The following MCPH1 variants were observed in gnomAD, a reference collection of about 807,000 sequenced individuals.
MCPH1 encodes microcephalin 1.
Under a neutral mutation model 84.5 loss-of-function variants are expected in MCPH1, and 104 were observed. The ratio of observed to expected loss-of-function variants is 1.23; its 90% CI spans 1.05 to 1.45. MCPH1 has a LOEUF of 1.45. Ranked by LOEUF, MCPH1 falls within the 40% of genes most tolerant of loss-of-function variation. MCPH1 has a pLI of 0.00. For synonymous variants in MCPH1, 514 were observed against 366.8 expected (o/e 1.40, Z -4.58); for missense variants, 1,498 against 1,005.7 (o/e 1.49, Z -6.62).
chr8:6,588,433 G>A lies in MCPH1; in HGVS notation c.2215-33021G>A, dbSNP rs116341322. 7.8e-3 allele frequency among the ~76,000 whole-genome samples: 1,186 copies of A among 152,094 alleles called. 14 individuals carry two copies. Among genetic ancestry groups the A allele is most frequent in the African/African-American group, 0.026 (1,059 of 41,432 alleles). ...CTCAGAAAATGTACTTTATGATTGC[G>A]AGGAATATTTGCCAAGGTCTTTGGG... On this transcript the variant is annotated intron_variant, in intron 12 of 13. Transcript: ENST00000344683.
At chr8:6,491,584 C>T (rs1233880991) in intron 11 of MCPH1, among the ~76,000 whole-genome samples, 1 of 151,780 alleles carries the variant, frequency 6.6e-6, no homozygotes, top group Non-Finnish European at 1.5e-5. Context: ...ATTAACTCGT[C>T]ATTTAGCATT....
chr8:6,645,604 T>C lies in MCPH1; in HGVS notation c.*2555T>C, dbSNP rs1293831337. 6 of 53,910 alleles carry C rather than the reference T, an allele frequency of 1.1e-4. No homozygotes were observed. Among genetic ancestry groups the C allele is most frequent in the Admixed American group, 5.2e-4 (2 of 3,818 alleles). 3.3% of individuals were successfully genotyped at this position (53,910 alleles called of 1,614,324 possible). On this transcript the variant is annotated 3_prime_UTR_variant, in exon 14 of 14. Coordinates refer to ENST00000344683, the MANE Select transcript of MCPH1 (RefSeq NM_024596.5). ...CACTATGTATAGAAATTGTAAGGAA[T>C]GCAAAAAAAAAAAAAAAAAAAAGCC...
chr8:6,536,648 T>G (rs550146908), intron 12 of MCPH1, among the ~76,000 whole-genome samples: 6 of 152,284 alleles, frequency 3.9e-5, no homozygotes, highest in African/African-American at 1.4e-4. Context: ...AGACTATGGA[T>G]GTCCATCATA....
At position 6,475,561 on chromosome 8, in the gene MCPH1, G is replaced by C. The variant is rs11137032; in HGVS notation, c.1936-2033G>C. Among the ~76,000 whole-genome samples, 190 of 152,308 alleles carry C rather than the reference G, an allele frequency of 1.2e-3. 3 individuals are homozygous for C. In the East Asian group the frequency reaches 0.031, roughly 25 times the overall value. ...GCAAATTCAGCACACCAACACGATA[G>C]GAAATAAGTTCCAAGATTTATTACT... is the stretch of plus-strand genomic sequence containing the variant. On this transcript the variant is annotated intron_variant, in intron 9 of 13. Coordinates refer to ENST00000344683, the MANE Select transcript of MCPH1 (RefSeq NM_024596.5).
chr8:6,415,295 C>CT (rs55718615), intron 3 of MCPH1, among the ~76,000 whole-genome samples: 1 of 145,214 alleles, frequency 6.9e-6, no homozygotes, highest in African/African-American at 2.6e-5. Context: ...TTGGTATCTT[C>CT]TTTTTTTTTT....
chr8:6,630,056 A>G (rs1196058007), intron 13 of MCPH1, among the ~76,000 whole-genome samples: 1 of 152,138 alleles, frequency 6.6e-6, no homozygotes, highest in Non-Finnish European at 1.5e-5. Context: ...TTTTTAGTCA[A>G]TTTTTCTTAA....
rs767035714 is a variant in MCPH1 at position 6,435,550 on chromosome 8, C to G, written c.322-498C>G. On this transcript the variant is annotated intron_variant, in intron 4 of 13. Coordinates refer to ENST00000344683, the MANE Select transcript of MCPH1 (RefSeq NM_024596.5). ...CAATCTGATTGGATCATGGATTATG[C>G]CATCAGGTGTTTACTCCTTAATTTG... Among the ~76,000 whole-genome samples, 3 of 152,262 alleles carry G rather than the reference C, an allele frequency of 2.0e-5. No individual in the cohort carries two copies. The South Asian group carries it at 6.2e-4, about 32-fold the overall frequency.
At chr8:6,520,185 A>G (rs1586316635) in intron 12 of MCPH1, among the ~76,000 whole-genome samples, 1 of 152,272 alleles carries the variant, frequency 6.6e-6, no homozygotes, top group Non-Finnish European at 1.5e-5. Context: ...AAAGATTAAT[A>G]CTTACTTTTT....
intron 12 of MCPH1, among the ~76,000 whole-genome samples, chr8:6,528,632 C>A (rs1394946911): frequency 6.6e-6 from 1 of 152,258 alleles, no homozygotes; most frequent in African/African-American, 2.4e-5. Context: ...AGCAGTGCGG[C>A]TCTCCCGCGG....
chr8:6,566,537 G>C (rs527344763), intron 12 of MCPH1, among the ~76,000 whole-genome samples: 1 of 152,206 alleles, frequency 6.6e-6, no homozygotes, highest in Non-Finnish European at 1.5e-5. Flanking sequence ...CCTGTGGTCG[G>C]CATGGCCATT....
chr8:6,585,384 C>T (rs1827888991), intron 12 of MCPH1, among the ~76,000 whole-genome samples: 1 of 152,202 alleles, frequency 6.6e-6, no homozygotes, highest in East Asian at 1.9e-4. Flanking sequence ...TGTGTGGCCA[C>T]CACAGCTGGA....
At chr8:6,464,443 C>G (rs1235455600) in intron 9 of MCPH1, among the ~76,000 whole-genome samples, 1 of 152,204 alleles carries the variant, frequency 6.6e-6, no homozygotes, top group Non-Finnish European at 1.5e-5. Context: ...TAAATAGGAT[C>G]TTCAAAGAAC....
intron 3 of MCPH1, among the ~76,000 whole-genome samples, chr8:6,427,048 A>G (rs1251069746): frequency 6.6e-6 from 1 of 152,234 alleles, no homozygotes; most frequent in Non-Finnish European, 1.5e-5. Flanking sequence ...GCTCTGTGGC[A>G]CAACCTGTTG....
intron 2 of MCPH1, 76 bp downstream of exon 2, chr8:6,409,446 T>C: frequency 8.1e-7 from 1 of 1,237,430 alleles, no homozygotes; most frequent in Admixed American, 1.7e-5. Flanking sequence ...ATTTTCTTAT[T>C]TTGGGAGTTT....
rs998511717 is a variant in MCPH1, at chr8:6,625,981, G to C, written c.2452+4290G>C. 5.7e-5 allele frequency: 56 copies of C among 985,082 alleles called. No homozygotes were observed. In the Middle Eastern group the frequency reaches 1.5e-3, roughly 27 times the overall value. 61.0% of individuals were successfully genotyped at this position (985,082 alleles called of 1,614,324 possible). On this transcript the variant is annotated intron_variant, in intron 13 of 13. Coordinates refer to ENST00000344683, the MANE Select transcript of MCPH1 (RefSeq NM_024596.5). ...GTATTCTGTGGCCAGAGGAGGGAAA[G>C]GAAGGTGGGTACTGAAACGACAGCT... is the stretch of plus-strand genomic sequence containing the variant.
chr8:6,439,963 A>G lies in MCPH1; in HGVS notation c.580+867A>G, dbSNP rs934028018. Among the ~76,000 whole-genome samples the G allele has an allele frequency of 2.6e-5, 4 of 152,354 alleles. No homozygotes were observed. The East Asian group carries it at 7.7e-4, about 29-fold the overall frequency. On this transcript the variant is annotated intron_variant, in intron 6 of 13. Transcript: ENST00000344683. ...CAGTGTATCAGATATCTGTGTATAC[A>G]TGAAAAAGATACGGGTTTGGTTTCT...
chr8:6,498,681 T>C (rs1449834587), intron 11 of MCPH1, among the ~76,000 whole-genome samples: 7 of 152,250 alleles, frequency 4.6e-5, no homozygotes, highest in Non-Finnish European at 8.8e-5. Flanking sequence ...TTTCTCACTG[T>C]ACTATTCTTT....
chr8:6,426,883 A>C (rs1348460150), intron 3 of MCPH1, among the ~76,000 whole-genome samples: 1 of 152,172 alleles, frequency 6.6e-6, no homozygotes, highest in Non-Finnish European at 1.5e-5. Context: ...AATTTGTCCA[A>C]TTAAAGTATA....
chr8:6,485,406 C>G (rs1809765967), intron 11 of MCPH1, among the ~76,000 whole-genome samples: 1 of 152,166 alleles, frequency 6.6e-6, no homozygotes, highest in African/African-American at 2.4e-5. Flanking sequence ...GGGCTAGTGT[C>G]TTGGTTTCAG....
Sources: allele counts gnomAD v4.1 joint callset (sites outside exome capture counted in the v4.1 genomes callset), GRCh38; gene constraint gnomAD v4.1.1; transcripts MANE v1.5; gene names NCBI Gene and HGNC (gene_info 2026-07-23, HGNC 2026-07-21).